The following HERC2 variants were observed in gnomAD, a reference collection of about 807,000 sequenced individuals.
HERC2 encodes the protein E3 ubiquitin-protein ligase HERC2.
A neutral mutation model predicts 537.7 loss-of-function variants in HERC2; 102 were observed. That is an observed-to-expected ratio of 0.19 (90% CI 0.16 to 0.22). HERC2 has a LOEUF of 0.22. HERC2 is among the 10% of genes least tolerant of loss of function. HERC2 has a pLI of 1.00. For missense variants in HERC2, 4,236 were observed against 6,198.2 expected, an observed-to-expected ratio of 0.68 and a Z score of 10.63; for synonymous variants, 2,224 against 2,466.2, an observed-to-expected ratio of 0.90 and a Z score of 2.91.
rs770544997 is a variant in HERC2, at chr15:28,124,240, A to G, written c.12991-6T>C. On this transcript the variant is annotated splice_region_variant and splice_polypyrimidine_tract_variant and intron_variant, in intron 84 of 92. Transcript: ENST00000261609. ...TGATTGTACTCCATGGGGACCTAGA[A>G]CACAGAAATGGCCTTCAGCCCCTCA... 2 of 1,450,716 alleles carry G rather than the reference A, an allele frequency of 1.4e-6. No individual in the cohort carries two copies. The highest frequency in any genetic ancestry group is 1.8e-6 in the Non-Finnish European group (2 of 1,093,886). 89.9% of individuals were successfully genotyped at this position (1,450,716 alleles called of 1,614,324 possible). A position where few individuals can be genotyped will look rare whatever the true frequency, so the allele number is the denominator to read the frequency against.
At position 28,202,067 on chromosome 15, in the gene HERC2, G is replaced by C. The variant is rs1420939534; in HGVS notation, c.7617+46C>G. On this transcript the variant is annotated intron_variant, in intron 47 of 92. Coordinates refer to ENST00000261609, the MANE Select transcript of HERC2 (RefSeq NM_004667.6). ...AAGGTGTAAGACTGTTAGAGCGCTAGACGGACAGCGGCCCAGGTGCGGGCG... is the reference window on the plus strand; with the variant it reads ...AAGGTGTAAGACTGTTAGAGCGCTACACGGACAGCGGCCCAGGTGCGGGCG... 4 of 1,005,024 alleles carry C rather than the reference G, an allele frequency of 4.0e-6. No homozygotes were observed. In the African/African-American group the frequency reaches 6.4e-5, roughly 16 times the overall value. 62.3% of individuals were successfully genotyped at this position (1,005,024 alleles called of 1,614,324 possible).
rs1890785721 is a variant in HERC2 at position 28,137,622 on chromosome 15, T to A, written c.12016-1930A>T. Among the ~76,000 whole-genome samples the A allele has an allele frequency of 3.9e-5, 6 of 152,334 alleles. No homozygotes were observed. The South Asian group carries it at 1.2e-3, about 32-fold the overall frequency. On this transcript the variant is annotated intron_variant, in intron 78 of 92. Coordinates refer to ENST00000261609, the MANE Select transcript of HERC2 (RefSeq NM_004667.6). The stretch of plus-strand genomic sequence containing the variant: ...CCACACCCATAGAAGACGGTGAACT[T>A]AAACGATAAATGTGTATGTTCTGAT...
At chr15:28,266,845 C>G (rs762321874) in intron 12 of HERC2, among the ~76,000 whole-genome samples, 1 of 152,092 alleles carries the variant, frequency 6.6e-6, no homozygotes, top group Non-Finnish European at 1.5e-5. Flanking sequence ...GGTGGTGACC[C>G]AACTGCGTGC....
chr15:28,218,763 T>C, intron 37 of HERC2, 92 bp from the exon 38 acceptor site: 1 of 1,121,490 alleles, frequency 8.9e-7, no homozygotes, highest in Non-Finnish European at 1.3e-6. Flanking sequence ...TATTACATTC[T>C]TGTTTTATTG....
chr15:28,241,253 G>T (rs1903085895), intron 23 of HERC2, among the ~76,000 whole-genome samples: 1 of 151,964 alleles, frequency 6.6e-6, no homozygotes, highest in South Asian at 2.1e-4. Context: ...TATGCAAATG[G>T]TCAATAAGCA....
In HERC2 at chr15:28,196,327, G is replaced by A. The variant is rs1426338510; in HGVS notation, c.8148C>T (p.Ile2716=). 9.7e-6 allele frequency: 14 copies of A among 1,437,970 alleles called. No individual in the cohort carries two copies. Among genetic ancestry groups the A allele is most frequent in the Middle Eastern group, 2.5e-4 (1 of 3,966 alleles). 89.1% of individuals were successfully genotyped at this position (1,437,970 alleles called of 1,614,324 possible). A position where few individuals can be genotyped will look rare whatever the true frequency, so the allele number is the denominator to read the frequency against. The change falls in exon 52 of 93, where the codon ATC becomes ATT. Residue 2716 remains isoleucine (I), a synonymous_variant. Transcript: ENST00000261609. Reference sequence around the variant, plus strand: ...TTCTGCATTTGAATCTGGATCCATTGATAGGAAACATCTGACATCCATCAC... The same window carrying A: ...TTCTGCATTTGAATCTGGATCCATTAATAGGAAACATCTGACATCCATCAC... ...VTCDGCQMFP[I]NGSRFKCRNC...
chr15:28,317,464 T>C (rs2077120171), intron 2 of HERC2, among the ~76,000 whole-genome samples: 1 of 152,230 alleles, frequency 6.6e-6, no homozygotes, highest in Non-Finnish European at 1.5e-5. Flanking sequence ...TAATTGATGA[T>C]TAGAGGAAGA....
In HERC2 at chr15:28,255,894, G is replaced by A. The variant is rs1253428139; in HGVS notation, c.2849C>T (p.Ala950Val). Reference sequence around the variant, plus strand: ...TACCTGGATCTCTGCAGTAATGGCTGCGTGTAAGGCTGACTCCAACCCTCC... The same window carrying A: ...TACCTGGATCTCTGCAGTAATGGCTACGTGTAAGGCTGACTCCAACCCTCC... ...ADGGLESALH[A>V]AITAEIQDIE... Residue 950 changes from alanine (A) to valine (V), a missense_variant, in exon 19 of 93, where the codon GCA becomes GTA. Ala to Val is a moderately conservative substitution (Grantham distance 64, BLOSUM62 0). This residue lies in a region of HERC2 where 754 missense variants were observed against 1,085.0 expected (regional missense o/e 0.69). Transcript: ENST00000261609. 1 of 1,601,034 alleles carries A rather than the reference G, an allele frequency of 6.2e-7. No individual in the cohort carries two copies. Among genetic ancestry groups the A allele is most frequent in the Non-Finnish European group, 8.5e-7 (1 of 1,179,784 alleles).
intron 3 of HERC2, among the ~76,000 whole-genome samples, chr15:28,294,449 A>C (rs563180074): frequency 2.8e-4 from 42 of 148,916 alleles, no homozygotes; most frequent in Admixed American, 8.8e-4. Context: ...GATACAGAAG[A>C]ATTTCTCGTG....
In HERC2 at chr15:28,124,151, C is replaced by G; in HGVS notation, c.13074G>C (p.Glu4358Asp). 6.3e-7 allele frequency: 1 copy of G among 1,592,904 alleles called. No homozygotes were observed. The highest frequency in any genetic ancestry group is 8.5e-7 in the Non-Finnish European group (1 of 1,169,636). Residue 4358 changes from glutamate to aspartate, a missense_variant, in exon 85 of 93, where the codon GAG (glutamate) becomes GAC (aspartate). Coordinates refer to ENST00000261609, the MANE Select transcript of HERC2 (RefSeq NM_004667.6). Reference protein sequence around the residue: ...NRLLLLHHLSELFCPCIPMFD... With the variant: ...NRLLLLHHLSDLFCPCIPMFD... Reference sequence around the variant, plus strand: ...ACATGGGGATGCAGGGGCAGAAGAGCTCGGAGAGGTGGTGCAGCAGCAGCA... The same window carrying G: ...ACATGGGGATGCAGGGGCAGAAGAGGTCGGAGAGGTGGTGCAGCAGCAGCA...
In HERC2 at chr15:28,274,361, T is replaced by C; in HGVS notation, c.730A>G (p.Ser244Gly). The C allele has an allele frequency of 6.2e-7, 1 of 1,614,196 alleles. No homozygotes were observed. Among genetic ancestry groups the C allele is most frequent in the Non-Finnish European group, 8.5e-7 (1 of 1,180,026 alleles). ...ALPEASLFDE[S>G]TVSSVWLEVV... ...TCCAGCCACACAGAGGACACGGTGC[T>C]CTCGTCAAAGAGCGAGGCCTCGGGA... Residue 244 changes from serine to glycine, a missense_variant, in exon 7 of 93, where the codon AGC (serine) becomes GGC (glycine). By Grantham distance (56) the Ser-to-Gly change is moderately conservative. Transcript: ENST00000261609.
At chr15:28,236,711 CTGAG>C (rs1247615931) in intron 26 of HERC2, among the ~76,000 whole-genome samples, 1 of 152,144 alleles carries the variant, frequency 6.6e-6, no homozygotes, top group East Asian at 1.9e-4. Context: ...CCTCAGCCTC[CTGAG>C]TATCTGGGAC....
At position 28,191,264 on chromosome 15, in the gene HERC2, C is replaced by A. The variant is rs759278882; in HGVS notation, c.8452-20G>T. The A allele has an allele frequency of 1.6e-5, 24 of 1,541,334 alleles. No individual in the cohort carries two copies. Among genetic ancestry groups the A allele is most frequent in the Middle Eastern group, 1.7e-4 (1 of 5,904 alleles). Reference sequence around the variant, plus strand: ...CCAGTGCTTTAGAAAAACAAAAAAACCACATTCTCAGTTAGCAAAATTCAG... The same window carrying A: ...CCAGTGCTTTAGAAAAACAAAAAAAACACATTCTCAGTTAGCAAAATTCAG... On this transcript the variant is annotated intron_variant, in intron 53 of 92. Coordinates refer to ENST00000261609, the MANE Select transcript of HERC2 (RefSeq NM_004667.6).
At chr15:28,112,178 G>T in intron 92 of HERC2, 143 bp from the exon 93 acceptor site, 2 of 720,368 alleles carry the variant, frequency 2.8e-6, no homozygotes, top group Non-Finnish European at 4.6e-6. Flanking sequence ...ACAACTTTAG[G>T]AGTAACGAGG....
At chr15:28,195,091 T>C (rs574735462) in intron 52 of HERC2, among the ~76,000 whole-genome samples, 2 of 151,660 alleles carry the variant, frequency 1.3e-5, no homozygotes, top group South Asian at 4.2e-4. Context: ...TAAGAACATA[T>C]AAATCAGAAT....
At chr15:28,273,042 TC>T in intron 7 of HERC2, 38 bp from the exon 8 acceptor site, 1 of 1,443,924 alleles carries the variant, frequency 6.9e-7, no homozygotes, top group Non-Finnish European at 9.7e-7. Flanking sequence ...CAAAGCAACC[TC>T]CAGAAAGACA....
chr15:28,132,747 C>G lies in HERC2; in HGVS notation c.12314G>C (p.Cys4105Ser). Residue 4105 changes from cysteine (C) to serine (S), a missense_variant, in exon 80 of 93, where the codon TGT becomes TCT. Transcript: ENST00000261609. ...GTAGAGGTCCCCGGCTGCTGTGACA[C>G]AGGCGCTGTGGGCTCCGCCAGCAGC... ...DVAAGGAHSA[C>S]VTAAGDLYTW... 6.2e-7 allele frequency: 1 copy of G among 1,608,498 alleles called. No individual in the cohort carries two copies. Among genetic ancestry groups the G allele is most frequent in the Middle Eastern group, 1.7e-4 (1 of 6,042 alleles).
At chr15:28,167,609 C>T (rs1566963795) in intron 68 of HERC2, 78 bp downstream of exon 68, 2 of 1,536,978 alleles carry the variant, frequency 1.3e-6, no homozygotes, top group East Asian at 2.2e-5. Context: ...CTGTGTTCCA[C>T]TCCTAAGTTC....
chr15:28,235,083 C>T (rs1349451064), intron 26 of HERC2, among the ~76,000 whole-genome samples: 2 of 152,160 alleles, frequency 1.3e-5, no homozygotes, highest in African/African-American at 4.8e-5. Flanking sequence ...TCTCTATTAA[C>T]GATCTGTGTT....
Sources: allele counts gnomAD v4.1 joint callset (sites outside exome capture counted in the v4.1 genomes callset), GRCh38; gene constraint gnomAD v4.1.1; regional missense constraint gnomAD v4.1.1; transcripts MANE v1.5; gene names NCBI Gene and HGNC (gene_info 2026-07-23, HGNC 2026-07-21).